EYS: variants seen among roughly 807,000 people sequenced by gnomAD.
EYS encodes the protein EGF-like photoreceptor maintenance factor.
EYS carries 250 observed loss-of-function variants against 282.1 expected under a neutral mutation model. The observed-to-expected ratio is 0.89, with a 90% CI of 0.80 to 0.98. The LOEUF (loss-of-function observed/expected upper bound fraction) is 0.98, where lower values mean the gene tolerates loss of function less well. Among genes scored for constraint, EYS ranks in the 50% least tolerant of loss-of-function variants. The pLI, the probability that EYS is intolerant of heterozygous loss-of-function variation, is 0.00. For synonymous variants in EYS, 1,355 were observed against 1,282.9 expected (o/e 1.06, Z -1.20); for missense variants, 4,016 against 3,709.0 (o/e 1.08, Z -2.15).
intron 26 of EYS, among the ~76,000 whole-genome samples, chr6:64,584,263 G>A (rs185460130): frequency 7.2e-5 from 11 of 152,022 alleles, no homozygotes; most frequent in Non-Finnish European, 1.5e-4. Context: ...TATGTGTGGT[G>A]TGCATGTATA....
In EYS at chr6:65,197,617, T is replaced by G. The variant is rs371976165; in HGVS notation, c.2023+98246A>C. On this transcript the variant is annotated intron_variant, in intron 12 of 42. Transcript: ENST00000503581. ...ATGTTCTGAGAAGTGCATCCTTTAG[T>G]GATTTCATCACTGTGCAAACATTAT... Among the ~76,000 whole-genome samples the G allele has an allele frequency of 1.4e-3, 215 of 152,278 alleles. 1 individual carries two copies. Among genetic ancestry groups the G allele is most frequent in the African/African-American group, 4.6e-3 (191 of 41,568 alleles).
At chr6:64,966,314 G>A (rs903362869) in intron 14 of EYS, among the ~76,000 whole-genome samples, 1 of 152,114 alleles carries the variant, frequency 6.6e-6, no homozygotes, top group Non-Finnish European at 1.5e-5. Context: ...TCAAAATCTA[G>A]AAAGAAATTG....
At chr6:64,382,712 T>A (rs1261921903) in intron 29 of EYS, among the ~76,000 whole-genome samples, 4 of 151,986 alleles carry the variant, frequency 2.6e-5, no homozygotes, top group Admixed American at 6.6e-5. Context: ...CAAACAGAGG[T>A]CCGAAGGATG....
chr6:65,271,079 C>T (rs1265230638), intron 12 of EYS, among the ~76,000 whole-genome samples: 6 of 132,462 alleles, frequency 4.5e-5, no homozygotes, highest in Non-Finnish European at 7.8e-5. Flanking sequence ...CCCACCGTCT[C>T]GATACCAAAA....
At chr6:65,345,211 C>T (rs961794832) in intron 9 of EYS, among the ~76,000 whole-genome samples, 4 of 151,646 alleles carry the variant, frequency 2.6e-5, no homozygotes, top group African/African-American at 4.8e-5. Context: ...TGTAATTTGA[C>T]TGTTTATAAA....
chr6:65,628,404 G>C (rs892215316), intron 2 of EYS, among the ~76,000 whole-genome samples: 1 of 152,300 alleles, frequency 6.6e-6, no homozygotes, highest in Non-Finnish European at 1.5e-5. Flanking sequence ...AGCAGGATGT[G>C]GGTGGGGCCA....
intron 29 of EYS, among the ~76,000 whole-genome samples, chr6:64,383,144 A>T (rs563902083): frequency 6.6e-6 from 1 of 152,150 alleles, no homozygotes; most frequent in South Asian, 2.1e-4. Context: ...AAATTAAATT[A>T]AATTTAAATA....
At chr6:64,960,930 A>C (rs1769890794) in intron 14 of EYS, among the ~76,000 whole-genome samples, 1 of 152,144 alleles carries the variant, frequency 6.6e-6, no homozygotes, top group South Asian at 2.1e-4. Flanking sequence ...TTCCTGGGTT[A>C]GTTTGCTAAA....
chr6:65,125,368 C>T (rs1157899241), intron 12 of EYS, among the ~76,000 whole-genome samples: 3 of 152,136 alleles, frequency 2.0e-5, no homozygotes, highest in Admixed American at 6.6e-5. Context: ...TTAATGCTGT[C>T]ACTTCCTCAT....
At position 63,733,709 on chromosome 6, in the gene EYS, C is replaced by A. The variant is rs140390034; in HGVS notation, c.8072-7029G>T. On this transcript the variant is annotated intron_variant, in intron 41 of 42. Transcript: ENST00000503581. ...AAGTATCAGCATTTTTTACTCAATT[C>A]TATGAACCTCAGTTCTCTCACGGAC... Among the ~76,000 whole-genome samples, 12 of 152,206 alleles carry A rather than the reference C, an allele frequency of 7.9e-5. No individual in the cohort carries two copies. The East Asian group carries it at 2.3e-3, about 29-fold the overall frequency.
At chr6:64,766,823 T>C (rs1773367668) in intron 22 of EYS, among the ~76,000 whole-genome samples, 1 of 150,812 alleles carries the variant, frequency 6.6e-6, no homozygotes, top group African/African-American at 2.4e-5. Context: ...ATTTGAGTAT[T>C]TTATTATTTT....
chr6:64,205,002 G>A (rs1303903155), intron 31 of EYS, among the ~76,000 whole-genome samples: 1 of 152,068 alleles, frequency 6.6e-6, no homozygotes, highest in East Asian at 1.9e-4. Flanking sequence ...AATATTTCTG[G>A]TAAATTGTTA....
chr6:65,697,034 G>A (rs1362794610), intron 1 of EYS, among the ~76,000 whole-genome samples: 2 of 151,892 alleles, frequency 1.3e-5, no homozygotes, highest in African/African-American at 4.8e-5. Flanking sequence ...TCAAACTGCA[G>A]CCAGATTACA....
chr6:65,057,747 A>G lies in EYS; in HGVS notation c.2024-20T>C, dbSNP rs1334000536. On this transcript the variant is annotated intron_variant, in intron 12 of 42. Coordinates refer to ENST00000503581, the MANE Select transcript of EYS (RefSeq NM_001142800.2). The stretch of plus-strand genomic sequence containing the variant: ...GCGTACCTTTGGAAAATAGGAAAAA[A>G]AAATGTTAAGTGTTAACAAGACAGG... The G allele has an allele frequency of 1.4e-6, 2 of 1,454,482 alleles. No individual in the cohort carries two copies. The highest frequency in any genetic ancestry group is 1.2e-5 in the South Asian group (1 of 82,000). 90.1% of individuals were successfully genotyped at this position (1,454,482 alleles called of 1,614,324 possible).
At chr6:64,419,709 C>T (rs1017326087) in intron 28 of EYS, among the ~76,000 whole-genome samples, 2 of 152,226 alleles carry the variant, frequency 1.3e-5, no homozygotes, top group Admixed American at 6.5e-5. Flanking sequence ...CCATGTCTCA[C>T]ATCTGAGTCA....
chr6:63,789,296 G>A, intron 37 of EYS, 72 bp from the exon 38 acceptor site: 1 of 1,419,332 alleles, frequency 7.0e-7, no homozygotes, highest in Non-Finnish European at 9.6e-7. Flanking sequence ...TTATTTTACT[G>A]ACTGGTTCTG....
At chr6:65,632,743 C>T (rs1179393146) in intron 2 of EYS, among the ~76,000 whole-genome samples, 2 of 152,128 alleles carry the variant, frequency 1.3e-5, no homozygotes, top group African/African-American at 4.8e-5. Context: ...ATATATACCA[C>T]TAGGTAAGTT....
chr6:64,621,181 C>T (rs1002709393), intron 23 of EYS, among the ~76,000 whole-genome samples: 14 of 152,058 alleles, frequency 9.2e-5, no homozygotes, highest in African/African-American at 3.1e-4. Flanking sequence ...TCTTTAAATA[C>T]ATTGATATAT....
intron 30 of EYS, among the ~76,000 whole-genome samples, chr6:64,275,977 AG>A (rs1197287582): frequency 1.3e-5 from 2 of 151,568 alleles, no homozygotes; most frequent in Non-Finnish European, 2.9e-5. Flanking sequence ...AAAAAAAAAA[AG>A]CTTATTGCCT....
Sources: allele counts gnomAD v4.1 joint callset (sites outside exome capture counted in the v4.1 genomes callset), GRCh38; gene constraint gnomAD v4.1.1; transcripts MANE v1.5; gene names NCBI Gene and HGNC (gene_info 2026-07-23, HGNC 2026-07-21).